The following GRIA2 variants were observed in gnomAD, a reference collection of about 807,000 sequenced individuals.
The protein encoded by GRIA2 is glutamate ionotropic receptor AMPA type subunit 2, also known as glutamate receptor 2.
GRIA2 carries 14 observed loss-of-function variants against 97.3 expected under a neutral mutation model. That is an observed-to-expected ratio of 0.14 (90% confidence interval 0.10 to 0.23). The LOEUF is 0.23. Among genes scored for constraint, GRIA2 ranks in the 10% least tolerant of loss-of-function variants. The pLI is 1.00. For synonymous variants in GRIA2, 412 were observed against 387.8 expected (o/e 1.06, Z -0.73); for missense variants, 558 against 1,069.8 (o/e 0.52, Z 6.67).
intron 2 of GRIA2, among the ~76,000 whole-genome samples, chr4:157,245,211 A>T (rs528947531): frequency 4.6e-5 from 7 of 152,058 alleles, no homozygotes; most frequent in African/African-American, 1.7e-4. Context: ...TCTTCCTATA[A>T]TCTCCAACTC....
At chr4:157,305,602 C>T (rs1733807831) in intron 3 of GRIA2, among the ~76,000 whole-genome samples, 1 of 152,036 alleles carries the variant, frequency 6.6e-6, no homozygotes, top group Non-Finnish European at 1.5e-5. Flanking sequence ...ATCCATTTGA[C>T]CTTCTTTCAC....
intron 12 of GRIA2, among the ~76,000 whole-genome samples, chr4:157,355,606 A>ATATATATTTATT (rs1736223427): frequency 2.9e-5 from 4 of 137,724 alleles, no homozygotes; most frequent in African/African-American, 1.1e-4. Context: ...ATATATATTT[A>ATATATATTTATT]TATATATTTA....
intron 2 of GRIA2, among the ~76,000 whole-genome samples, chr4:157,261,032 C>A (rs1003187805): frequency 1.3e-5 from 2 of 152,114 alleles, no homozygotes; most frequent in Middle Eastern, 3.4e-3. Context: ...CAAGATATTA[C>A]ATGTATTAGT....
At chr4:157,260,396 A>T (rs1731476311) in intron 2 of GRIA2, among the ~76,000 whole-genome samples, 1 of 152,130 alleles carries the variant, frequency 6.6e-6, no homozygotes, top group Admixed American at 6.6e-5. Flanking sequence ...GGCTTACATG[A>T]TAGATATTTT....
chr4:157,354,727 GC>G (rs1329481775), intron 12 of GRIA2, among the ~76,000 whole-genome samples: 1 of 152,144 alleles, frequency 6.6e-6, no homozygotes, highest in Non-Finnish European at 1.5e-5. Flanking sequence ...TTTAGCTTGT[GC>G]ACAAGGGTCC....
At chr4:157,251,172 A>G (rs939791319) in intron 2 of GRIA2, among the ~76,000 whole-genome samples, 13 of 152,242 alleles carry the variant, frequency 8.5e-5, no homozygotes, top group African/African-American at 3.1e-4. Flanking sequence ...TAACTAGAGG[A>G]GAGACAGGGG....
chr4:157,233,927 A>G (rs1041834726), intron 2 of GRIA2, among the ~76,000 whole-genome samples: 8 of 152,168 alleles, frequency 5.3e-5, no homozygotes, highest in African/African-American at 1.9e-4. Flanking sequence ...CTTAGCTGCT[A>G]TAAATTTGTG....
chr4:157,361,109 G>T lies in GRIA2; in HGVS notation c.2391G>T (p.Gly797=). The change falls in exon 14 of 16, where the codon GGG becomes GGT. Residue 797 remains glycine, a synonymous_variant. Transcript: ENST00000264426. The surrounding 1 kb of genome is among the most constrained non-coding windows in gnomAD (Gnocchi z 5.2). The part of the protein sequence containing the change: ...WWYDKGECGS[G]GGDSKEKTSA... The stretch of plus-strand genomic sequence containing the variant: ...ACGACAAAGGAGAGTGCGGCAGCGG[G>T]GGAGGTGATTCCAAGGTCAGCCCCA... The T allele has an allele frequency of 6.2e-7, 1 of 1,611,770 alleles. No individual in the cohort carries two copies. Among genetic ancestry groups the T allele is most frequent in the Non-Finnish European group, 8.5e-7 (1 of 1,177,920 alleles).
At chr4:157,286,291 AT>A (rs1053750019) in intron 2 of GRIA2, among the ~76,000 whole-genome samples, 1 of 151,442 alleles carries the variant, frequency 6.6e-6, no homozygotes, top group Non-Finnish European at 1.5e-5. Flanking sequence ...GAAAAAAACA[AT>A]TTTTCACACA....
chr4:157,355,769 A>ATATT lies in GRIA2; in HGVS notation c.2044-4123_2044-4120dup, dbSNP rs1553958537. Among the ~76,000 whole-genome samples the ATATT allele has an allele frequency of 1.3e-4, 7 of 54,558 alleles. No individual in the cohort carries two copies. The East Asian group carries it at 4.3e-3, about 34-fold the overall frequency. The allele number at this position is 54,558 out of a possible 152,430, so 35.8% of individuals were successfully genotyped here. On this transcript the variant is annotated intron_variant, in intron 12 of 15. Coordinates refer to ENST00000264426, the MANE Select transcript of GRIA2 (RefSeq NM_001083619.3). ...ATATATTTACATATATTAGTTATAT[A>ATATT]TATTTATATATTTATATATATTAGT... is the stretch of plus-strand genomic sequence containing the variant.
At chr4:157,253,387 G>A (rs1731100839) in intron 2 of GRIA2, among the ~76,000 whole-genome samples, 1 of 152,038 alleles carries the variant, frequency 6.6e-6, no homozygotes, top group South Asian at 2.1e-4. Flanking sequence ...GAAGTGCTGG[G>A]ATTACAGACA....
chr4:157,335,989 C>T (rs986849450), intron 10 of GRIA2, 112 bp downstream of exon 10: 37 of 733,072 alleles, frequency 5.0e-5, no homozygotes, highest in Non-Finnish European at 7.7e-5. Flanking sequence ...TCCCACATTA[C>T]TCTAGAAACA....
chr4:157,321,752 T>C lies in GRIA2; in HGVS notation c.882+153T>C, dbSNP rs1053028353. On this transcript the variant is annotated intron_variant, in intron 6 of 15. Transcript: ENST00000264426. Reference sequence around the variant, plus strand: ...TTGACTGCTAAATATATTTTTCACATTTTTATGGTTTAAGTAAAGCTATTA... The same window carrying C: ...TTGACTGCTAAATATATTTTTCACACTTTTATGGTTTAAGTAAAGCTATTA... The C allele has an allele frequency of 5.3e-5, 29 of 551,608 alleles. No individual in the cohort carries two copies. In the African/African-American group the frequency reaches 5.4e-4, roughly 10 times the overall value. The allele number at this position is 551,608 out of a possible 1,614,324, so 34.2% of individuals were successfully genotyped here.
At chr4:157,258,664 TC>T (rs1170597021) in intron 2 of GRIA2, among the ~76,000 whole-genome samples, 3 of 152,036 alleles carry the variant, frequency 2.0e-5, no homozygotes, top group Non-Finnish European at 4.4e-5. Flanking sequence ...GTACACTCCC[TC>T]CCCTTTTGAA....
chr4:157,337,463 T>C (rs1008494784), intron 11 of GRIA2, among the ~76,000 whole-genome samples: 1 of 152,068 alleles, frequency 6.6e-6, no homozygotes, highest in African/African-American at 2.4e-5. Flanking sequence ...TTTATTCATG[T>C]TGCACGTATG....
chr4:157,228,554 T>G (rs1006691543), intron 2 of GRIA2, among the ~76,000 whole-genome samples: 2 of 151,824 alleles, frequency 1.3e-5, no homozygotes, highest in East Asian at 3.9e-4. Flanking sequence ...GCACTTTGGG[T>G]GGCCGAGGCG....
intron 2 of GRIA2, among the ~76,000 whole-genome samples, chr4:157,246,343 T>G (rs1730730915): frequency 6.6e-6 from 1 of 152,074 alleles, no homozygotes; most frequent in Non-Finnish European, 1.5e-5. Context: ...TTAATAACAT[T>G]TTATATATAG....
At chr4:157,275,311 TG>T (rs1732241915) in intron 2 of GRIA2, among the ~76,000 whole-genome samples, 1 of 152,248 alleles carries the variant, frequency 6.6e-6, no homozygotes, top group Non-Finnish European at 1.5e-5. Context: ...TCTCCCATTC[TG>T]TAGGCTGCCT....
At chr4:157,298,523 T>C (rs1733459705) in intron 2 of GRIA2, among the ~76,000 whole-genome samples, 3 of 151,862 alleles carry the variant, frequency 2.0e-5, no homozygotes, top group Admixed American at 1.3e-4. Flanking sequence ...TTTTCATTAT[T>C]TTTATGGAAT....
Sources: allele counts gnomAD v4.1 joint callset (sites outside exome capture counted in the v4.1 genomes callset), GRCh38; gene constraint gnomAD v4.1.1; non-coding constraint Gnocchi (gnomAD v3.1); transcripts MANE v1.5; gene names NCBI Gene and HGNC (gene_info 2026-07-23, HGNC 2026-07-21).